Variants in PID1 observed in about 807,000 individuals in gnomAD.
The protein encoded by PID1 is phosphotyrosine interaction domain containing 1, also known as PTB-containing, cubilin and LRP1-interacting protein.
PID1 carries 10 observed loss-of-function variants against 19.1 expected under a neutral mutation model. The observed-to-expected ratio is 0.52, with a 90% CI of 0.32 to 0.89. The LOEUF (loss-of-function observed/expected upper bound fraction) is 0.89, where lower values mean the gene tolerates loss of function less well. Among genes scored for constraint, PID1 ranks in the 40% least tolerant of loss-of-function variants. The probability of loss-of-function intolerance (pLI) is 0.03; values close to 1 mark genes in which losing one functional copy is unlikely to be tolerated. For missense variants in PID1, 248 were observed against 285.3 expected (o/e 0.87, Z 0.94); for synonymous variants, 130 against 116.0 (o/e 1.12, Z -0.78).
intron 1 of PID1, among the ~76,000 whole-genome samples, chr2:229,203,678 G>A (rs922895161): frequency 2.0e-5 from 3 of 152,034 alleles, no homozygotes; most frequent in African/African-American, 4.8e-5. Flanking sequence ...TTCAAGGGAC[G>A]GAAATGTGAG....
intron 1 of PID1, among the ~76,000 whole-genome samples, chr2:229,239,143 C>G (rs1219320682): frequency 1.3e-5 from 2 of 152,096 alleles, no homozygotes; most frequent in Non-Finnish European, 2.9e-5. Context: ...CTCAGAATCT[C>G]TGGGAAAGCT....
chr2:229,094,222 A>G (rs1694930765), intron 2 of PID1, among the ~76,000 whole-genome samples: 2 of 152,188 alleles, frequency 1.3e-5, no homozygotes, highest in African/African-American at 2.4e-5. Flanking sequence ...ATACCTAGGA[A>G]TACACTTAAC....
chr2:229,160,893 T>C (rs932021900), intron 1 of PID1, among the ~76,000 whole-genome samples: 1 of 152,148 alleles, frequency 6.6e-6, no homozygotes, highest in Admixed American at 6.5e-5. Context: ...GTGGCTCTGG[T>C]GCATTTTTGG....
At chr2:229,102,745 TA>T (rs1314048733) in intron 2 of PID1, among the ~76,000 whole-genome samples, 2 of 152,106 alleles carry the variant, frequency 1.3e-5, no homozygotes, top group African/African-American at 2.4e-5. Context: ...ACCTGACAAT[TA>T]GAGTGAGTCA....
intron 2 of PID1, among the ~76,000 whole-genome samples, chr2:229,151,483 A>G (rs1032879416): frequency 3.9e-5 from 6 of 152,228 alleles, no homozygotes; most frequent in Non-Finnish European, 8.8e-5. Context: ...AAAAGTGCAT[A>G]GATGAGTGCT....
intron 2 of PID1, among the ~76,000 whole-genome samples, chr2:229,037,712 G>A (rs565460150): frequency 6.6e-6 from 1 of 152,258 alleles, no homozygotes; most frequent in Non-Finnish European, 1.5e-5. Context: ...GATAAAACCT[G>A]GAGCTGTTCC....
intron 2 of PID1, among the ~76,000 whole-genome samples, chr2:229,128,123 A>T (rs1574650878): frequency 1.2e-5 from 1 of 84,162 alleles, no homozygotes; most frequent in Non-Finnish European, 2.4e-5. Context: ...CCTTCAAGCA[A>T]AGGTAAATGG....
At chr2:229,237,123 GATCATGAGTA>G (rs1689724850) in intron 1 of PID1, among the ~76,000 whole-genome samples, 1 of 151,986 alleles carries the variant, frequency 6.6e-6, no homozygotes. Context: ...CTACATGATA[GATCATGAGTA>G]ATCAAGAAAA....
At chr2:229,158,777 A>C (rs556561228) in intron 1 of PID1, among the ~76,000 whole-genome samples, 1 of 152,336 alleles carries the variant, frequency 6.6e-6, no homozygotes, top group South Asian at 2.1e-4. Flanking sequence ...TGCCAAAAAC[A>C]GTTCTTTAAA....
At chr2:229,149,862 G>A (rs544304142) in intron 2 of PID1, among the ~76,000 whole-genome samples, 13 of 152,240 alleles carry the variant, frequency 8.5e-5, no homozygotes, top group African/African-American at 2.9e-4. Context: ...AGGAACAAGC[G>A]CTGCCGGATA....
intron 1 of PID1, among the ~76,000 whole-genome samples, chr2:229,225,065 T>C (rs1692049957): frequency 6.6e-6 from 1 of 152,196 alleles, no homozygotes; most frequent in Non-Finnish European, 1.5e-5. Context: ...GGTTAGTTTC[T>C]ATATTCCCTC....
chr2:229,179,650 A>G (rs1381931994), intron 1 of PID1, among the ~76,000 whole-genome samples: 5 of 152,156 alleles, frequency 3.3e-5, no homozygotes, highest in African/African-American at 7.2e-5. Flanking sequence ...TTATAATAAA[A>G]CCCAATCATG....
intron 2 of PID1, among the ~76,000 whole-genome samples, chr2:229,056,930 T>C (rs1172607641): frequency 6.6e-6 from 1 of 152,196 alleles, no homozygotes; most frequent in African/African-American, 2.4e-5. Flanking sequence ...AACGTATCTA[T>C]TCCAACAAAG....
chr2:229,211,688 G>C (rs1691736602), intron 1 of PID1, among the ~76,000 whole-genome samples: 1 of 152,202 alleles, frequency 6.6e-6, no homozygotes, highest in Non-Finnish European at 1.5e-5. Context: ...TGTGGCAGCT[G>C]TCTGAGTTCC....
At position 229,139,043 on chromosome 2, in the gene PID1, A is replaced by G. The variant is rs201816844; in HGVS notation, c.177+16775T>C. The stretch of plus-strand genomic sequence containing the variant: ...AGAAAGAAAGAAAGAAAGAAAGAGA[A>G]AGAAAGAAAGAAAGAGAAAGAAAGA... On this transcript the variant is annotated intron_variant, in intron 2 of 2. Coordinates refer to ENST00000392055, the MANE Select transcript of PID1 (RefSeq NM_001100818.2). Among the ~76,000 whole-genome samples, 603 of 63,398 alleles carry G rather than the reference A, an allele frequency of 9.5e-3. 20 individuals carry two copies. Among genetic ancestry groups the G allele is most frequent in the Admixed American group, 0.012 (81 of 6,732 alleles). The allele number at this position is 63,398 out of a possible 152,430, so 41.6% of individuals were successfully genotyped here.
intron 1 of PID1, among the ~76,000 whole-genome samples, chr2:229,197,352 G>A (rs1350665366): frequency 6.6e-6 from 1 of 151,904 alleles, no homozygotes; most frequent in East Asian, 1.9e-4. Flanking sequence ...TATTTTTTGT[G>A]TTACAGCATA....
chr2:229,071,083 A>T (rs1694441079), intron 2 of PID1, among the ~76,000 whole-genome samples: 1 of 148,396 alleles, frequency 6.7e-6, no homozygotes, highest in Non-Finnish European at 1.5e-5. Context: ...TAAGCAAATG[A>T]ATGTTACTTG....
At chr2:229,154,991 G>GA (rs1267443163) in intron 2 of PID1, among the ~76,000 whole-genome samples, 1 of 152,158 alleles carries the variant, frequency 6.6e-6, no homozygotes, top group African/African-American at 2.4e-5. Context: ...TTGCATAAAT[G>GA]AAAATGCTTT....
intron 2 of PID1, among the ~76,000 whole-genome samples, chr2:229,124,628 C>T (rs1695586538): frequency 6.6e-6 from 1 of 152,022 alleles, no homozygotes; most frequent in Admixed American, 6.6e-5. Flanking sequence ...AACAATGTTT[C>T]ACATCCTTGG....
Sources: allele counts gnomAD v4.1 joint callset (sites outside exome capture counted in the v4.1 genomes callset), GRCh38; gene constraint gnomAD v4.1.1; transcripts MANE v1.5; gene names NCBI Gene and HGNC (gene_info 2026-07-23, HGNC 2026-07-21).